Variants in TRANK1 observed in about 807,000 individuals in gnomAD.
TRANK1 encodes the protein TPR and ankyrin repeat-containing protein 1.
Under a neutral mutation model 266.0 loss-of-function variants are expected in TRANK1, and 198 were observed. That is an observed-to-expected ratio of 0.74 (90% CI 0.66 to 0.84). The LOEUF is 0.84. Among genes scored for constraint, TRANK1 ranks in the 40% least tolerant of loss-of-function variants. TRANK1 has a pLI of 0.00. For missense variants in TRANK1, 3,326 were observed against 3,634.6 expected, an observed-to-expected ratio of 0.92 and a Z score of 2.18; for synonymous variants, 1,396 against 1,384.1, an observed-to-expected ratio of 1.01 and a Z score of -0.19.
chr3:36,899,194 A>G lies in TRANK1; in HGVS notation c.348T>C (p.Phe116=). 6.5e-7 allele frequency: 1 copy of G among 1,537,282 alleles called. No homozygotes were observed. The highest frequency in any genetic ancestry group is 2.0e-5 in the Admixed American group (1 of 50,998). ...TCTGCACAAGTCGCAGACCCTCAAA[A>G]AACATGCGAGCGGCTTCGTAAGGCT... ...LHQPYEAARM[F]FEGLRLVQRS... is the part of the protein sequence containing the mutation. The change falls in exon 4 of 24, where the codon TTT becomes TTC. Residue 116 remains phenylalanine, a synonymous_variant. Transcript: ENST00000645898.
chr3:36,868,444 GAAGT>G (rs2079259455), intron 9 of TRANK1, among the ~76,000 whole-genome samples: 1 of 152,244 alleles, frequency 6.6e-6, no homozygotes, highest in South Asian at 2.1e-4. Context: ...ACCATAGTCA[GAAGT>G]AATAGAAAAT....
intron 1 of TRANK1, among the ~76,000 whole-genome samples, chr3:36,921,467 A>C (rs1007026201): frequency 6.6e-5 from 10 of 152,224 alleles, no homozygotes; most frequent in Non-Finnish European, 1.3e-4. Flanking sequence ...ATCAGAAGTA[A>C]GGGAGTAAGA....
intron 15 of TRANK1, chr3:36,850,801 T>C (rs906906788): frequency 2.0e-6 from 2 of 985,270 alleles, no homozygotes; most frequent in Non-Finnish European, 2.4e-6. Context: ...AAGGACTCTA[T>C]CTAAAGGGTC....
At chr3:36,881,078 T>C (rs2125589797) in intron 8 of TRANK1, among the ~76,000 whole-genome samples, 1 of 152,070 alleles carries the variant, frequency 6.6e-6, no homozygotes, top group Middle Eastern at 3.4e-3. Flanking sequence ...ATCAAAAACA[T>C]GAACTTTCAA....
At chr3:36,870,962 T>TAAAAAAAAAAAAA (rs563787088) in intron 9 of TRANK1, among the ~76,000 whole-genome samples, 154 of 64,936 alleles carry the variant, frequency 2.4e-3, no homozygotes, top group Middle Eastern at 0.015. Flanking sequence ...ACAAGGAAAC[T>TAAAAAAAAAAAAA]AAAAAAAAAA....
At chr3:36,865,024 GTT>G (rs34540496) in intron 9 of TRANK1, among the ~76,000 whole-genome samples, 7 of 119,786 alleles carry the variant, frequency 5.8e-5, no homozygotes, top group Admixed American at 1.8e-4. Flanking sequence ...TGTTTTTTTG[GTT>G]TTTTTTTTTT....
At chr3:36,893,799 G>T (rs577455536) in intron 5 of TRANK1, among the ~76,000 whole-genome samples, 2 of 152,248 alleles carry the variant, frequency 1.3e-5, no homozygotes, top group South Asian at 4.1e-4. Flanking sequence ...CCTCTCTCAT[G>T]TATGGCTTTT....
chr3:36,832,497 G>A lies in TRANK1; in HGVS notation c.7086C>T (p.Leu2362=), dbSNP rs774559260. Residue 2362 remains leucine (L), a synonymous_variant, in exon 22 of 24, where the codon CTC becomes CTT. Transcript: ENST00000645898. The part of the protein sequence containing the change: ...HQEEDNYNRE[L]KALESEKDER... ...CATCCTTTTCAGACTCTAGAGCTTTGAGTTCCCTGTTGTAGTTGTCCTCCT... is the reference window on the plus strand; with the variant it reads ...CATCCTTTTCAGACTCTAGAGCTTTAAGTTCCCTGTTGTAGTTGTCCTCCT... 1.2e-6 allele frequency: 2 copies of A among 1,613,830 alleles called. No homozygotes were observed. The highest frequency in any genetic ancestry group is 1.7e-6 in the Non-Finnish European group (2 of 1,179,878).
At chr3:36,843,506 T>C (rs763084245) in intron 17 of TRANK1, among the ~76,000 whole-genome samples, 2 of 152,148 alleles carry the variant, frequency 1.3e-5, no homozygotes, top group East Asian at 1.9e-4. Context: ...ACAGAGACCA[T>C]TGTCACCACC....
intron 3 of TRANK1, among the ~76,000 whole-genome samples, 200 bp from the exon 4 acceptor site, chr3:36,899,459 A>G (rs1208878714): frequency 1.3e-5 from 2 of 152,194 alleles, no homozygotes; most frequent in Non-Finnish European, 2.9e-5. Context: ...GTTGGAGGCC[A>G]GCCTAGGCAA....
intron 17 of TRANK1, 100 bp from the exon 18 acceptor site, chr3:36,842,810 T>A (rs1245356932): frequency 9.3e-7 from 1 of 1,076,844 alleles, no homozygotes; most frequent in Admixed American, 2.0e-5. Flanking sequence ...GCCATCAAAT[T>A]CACTTGTTAA....
intron 3 of TRANK1, among the ~76,000 whole-genome samples, chr3:36,901,858 C>T (rs2079888272): frequency 6.6e-6 from 1 of 152,122 alleles, no homozygotes; most frequent in Admixed American, 6.5e-5. Context: ...GCATCAAGTC[C>T]CTTGGGCCAC....
intron 1 of TRANK1, among the ~76,000 whole-genome samples, chr3:36,910,946 T>C (rs1362519766): frequency 2.0e-5 from 3 of 151,554 alleles, no homozygotes; most frequent in Admixed American, 6.6e-5. Flanking sequence ...GGTGAGCACC[T>C]GTAATCGCAG....
Position 36,843,804 on chromosome 3 carries a change from T to G in TRANK1, c.5192-1094A>C, listed in dbSNP as rs2078880041. ...TTTGTTTAGAAGGTGCAAAAACACG[T>G]TAAGCATCACAACCTGATCCCTCCC... On this transcript the variant is annotated intron_variant, in intron 17 of 23. Transcript: ENST00000645898. Among the ~76,000 whole-genome samples the G allele has an allele frequency of 2.0e-5, 3 of 152,260 alleles. No individual in the cohort carries two copies. In the Middle Eastern group the frequency reaches 0.01, roughly 518 times the overall value.
intron 1 of TRANK1, among the ~76,000 whole-genome samples, chr3:36,913,041 T>C (rs1288450454): frequency 6.6e-6 from 1 of 151,288 alleles, no homozygotes; most frequent in Admixed American, 6.6e-5. Flanking sequence ...TGTGTGTGTG[T>C]GTGTGTGTGT....
intron 2 of TRANK1, among the ~76,000 whole-genome samples, chr3:36,906,115 G>C (rs559135407): frequency 6.6e-6 from 1 of 152,154 alleles, no homozygotes; most frequent in African/African-American, 2.4e-5. Flanking sequence ...TGCCTTGATC[G>C]AGGATCTCTA....
At chr3:36,874,835 T>C (rs570528113) in intron 8 of TRANK1, among the ~76,000 whole-genome samples, 1 of 152,220 alleles carries the variant, frequency 6.6e-6, no homozygotes, top group Admixed American at 6.5e-5. Flanking sequence ...AACGTATGTC[T>C]GTGGTCACAG....
chr3:36,934,003 C>A (rs900377494), intron 1 of TRANK1, among the ~76,000 whole-genome samples: 2 of 152,184 alleles, frequency 1.3e-5, no homozygotes, highest in Non-Finnish European at 2.9e-5. Context: ...TGCTCAGGGG[C>A]CCTAAGAAAC....
intron 1 of TRANK1, among the ~76,000 whole-genome samples, chr3:36,909,226 C>T (rs1175297120): frequency 6.6e-6 from 1 of 152,170 alleles, no homozygotes. Context: ...GTTTTGTAGC[C>T]GTATGGCCTT....
Sources: gnomAD v4.1 joint callset for allele counts (sites outside exome capture counted in the v4.1 genomes callset) on GRCh38, gnomAD v4.1.1 for gene constraint, MANE v1.5 for transcripts, NCBI Gene and HGNC (gene_info 2026-07-23, HGNC 2026-07-21) for gene names.